Variants in IMPG2 observed in about 807,000 individuals in gnomAD.
The protein encoded by IMPG2 is IPM 200.
Under a neutral mutation model 129.2 loss-of-function variants are expected in IMPG2, and 91 were observed. The observed-to-expected ratio is 0.70, with a 90% CI of 0.59 to 0.84. The LOEUF (loss-of-function observed/expected upper bound fraction) is 0.84. Among genes scored for constraint, IMPG2 ranks in the 40% least tolerant of loss-of-function variants. The pLI, the probability that IMPG2 is intolerant of heterozygous loss-of-function variation, is 0.00. For synonymous variants in IMPG2, 510 were observed against 517.7 expected (o/e 0.99, Z 0.20); for missense variants, 1,430 against 1,461.7 (o/e 0.98, Z 0.35).
intron 2 of IMPG2, among the ~76,000 whole-genome samples, chr3:101,310,559 C>CAAAAAA (rs199570786): frequency 2.1e-4 from 26 of 126,504 alleles, no homozygotes; most frequent in African/African-American, 8.9e-4. Context: ...GACCCTGTCT[C>CAAAAAA]AAAAAAAAAA....
rs1005090260 is a variant in IMPG2 at position 101,319,758 on chromosome 3, T to C, written c.160A>G (p.Thr54Ala). Residue 54 changes from threonine to alanine, a missense_variant, in exon 2 of 19, where the codon ACA becomes GCA. Transcript: ENST00000193391. Reference protein sequence around the residue: ...AVSFLLPEESTDLSLATKKKQ... With the variant: ...AVSFLLPEESADLSLATKKKQ... ...TTTTTGGTAGCTAGAGAAAGGTCTG[T>C]TGATTCTTCAGGCAGGAGAAAAGAA... 1 of 1,613,552 alleles carries C rather than the reference T, an allele frequency of 6.2e-7. No homozygotes were observed. The highest frequency in any genetic ancestry group is 1.3e-5 in the African/African-American group (1 of 74,904).
At chr3:101,250,775 C>G (rs1706534903) in intron 11 of IMPG2, among the ~76,000 whole-genome samples, 1 of 152,170 alleles carries the variant, frequency 6.6e-6, no homozygotes, top group Non-Finnish European at 1.5e-5. Context: ...CAGGTCAACA[C>G]AGATAGGGAG....
chr3:101,261,748 T>C (rs1385487619), intron 9 of IMPG2, among the ~76,000 whole-genome samples: 1 of 152,082 alleles, frequency 6.6e-6, no homozygotes. Context: ...AGTTCTGGCA[T>C]AGTAATGGGG....
intron 8 of IMPG2, among the ~76,000 whole-genome samples, chr3:101,268,173 T>A (rs766464037): frequency 3.7e-4 from 57 of 152,130 alleles, no homozygotes; most frequent in Non-Finnish European, 6.8e-4. Flanking sequence ...TAAAGCAGGA[T>A]TAAGGTAAAT....
chr3:101,256,574 T>G (rs868725992), intron 10 of IMPG2, among the ~76,000 whole-genome samples: 19 of 152,216 alleles, frequency 1.2e-4, no homozygotes, highest in Middle Eastern at 3.4e-3. Flanking sequence ...CTATTTTTGT[T>G]TATTTATTTG....
chr3:101,318,562 A>G (rs1690407290), intron 2 of IMPG2, among the ~76,000 whole-genome samples: 1 of 152,186 alleles, frequency 6.6e-6, no homozygotes, highest in Non-Finnish European at 1.5e-5. Flanking sequence ...AGGGAAGGAC[A>G]GGAAGAGGAA....
Position 101,269,926 on chromosome 3 carries a change from C to CTTT in IMPG2, c.829-356_829-354dup, listed in dbSNP as rs5851267. Among the ~76,000 whole-genome samples, 230 of 106,932 alleles carry CTTT rather than the reference C, an allele frequency of 2.2e-3. 1 individual carries two copies. Among genetic ancestry groups the CTTT allele is most frequent in the East Asian group, 3.0e-3 (10 of 3,366 alleles). 70.2% of individuals were successfully genotyped at this position (106,932 alleles called of 152,430 possible). On this transcript the variant is annotated intron_variant, in intron 7 of 18. Transcript: ENST00000193391. ...TAATAGCATTTTATTTTATTTTATTCTTTTTTTTTTTTTTTTTTTTTTGAG... is the reference window on the plus strand; with the variant it reads ...TAATAGCATTTTATTTTATTTTATTCTTTTTTTTTTTTTTTTTTTTTTTTTGAG...
At chr3:101,245,240 TTTC>T (rs1479615111) in intron 12 of IMPG2, among the ~76,000 whole-genome samples, 30 of 152,322 alleles carry the variant, frequency 2.0e-4, no homozygotes, top group African/African-American at 7.2e-4. Flanking sequence ...TATTTATATA[TTTC>T]TTCATCTTCC....
At position 101,320,287 on chromosome 3, in the gene IMPG2, C is replaced by A; in HGVS notation, c.85+1G>T. 6.7e-7 allele frequency: 1 copy of A among 1,500,836 alleles called. No homozygotes were observed. The highest frequency in any genetic ancestry group is 9.3e-7 in the Non-Finnish European group (1 of 1,078,162). The allele number at this position is 1,500,836 out of a possible 1,614,324, so 93.0% of individuals were successfully genotyped here. On this transcript the variant is annotated splice_donor_variant, in intron 1 of 18. Transcript: ENST00000193391. LOFTEE classifies it high-confidence loss of function. ...AAAAACAAATGTAGATTTTTAAATA[C>A]CTGTTAATGATGGAAAGTCTCCTTC...
intron 4 of IMPG2, among the ~76,000 whole-genome samples, chr3:101,279,352 C>G (rs1706869914): frequency 6.6e-6 from 1 of 152,132 alleles, no homozygotes; most frequent in Non-Finnish European, 1.5e-5. Context: ...ACAGCTAAGC[C>G]AATGGAGAAG....
chr3:101,289,724 C>A (rs1706985041), intron 4 of IMPG2, among the ~76,000 whole-genome samples: 1 of 151,690 alleles, frequency 6.6e-6, no homozygotes, highest in South Asian at 2.1e-4. Flanking sequence ...GGCACATGAT[C>A]AAATTTATTC....
intron 4 of IMPG2, among the ~76,000 whole-genome samples, chr3:101,280,218 C>T (rs1706878304): frequency 6.6e-6 from 1 of 152,204 alleles, no homozygotes; most frequent in East Asian, 1.9e-4. Context: ...ATGTCAACAG[C>T]TGCTCATAGC....
chr3:101,281,758 AAG>A (rs1412476437), intron 4 of IMPG2, among the ~76,000 whole-genome samples: 1 of 152,172 alleles, frequency 6.6e-6, no homozygotes, highest in South Asian at 2.1e-4. Flanking sequence ...TTTCATGTGG[AAG>A]AGAGAGACAG....
At chr3:101,231,166 G>T (rs1706282364) in intron 15 of IMPG2, 21 bp from the exon 16 acceptor site, 4 of 1,612,230 alleles carry the variant, frequency 2.5e-6, no homozygotes, top group Non-Finnish European at 3.4e-6. Context: ...CAGTCACCAA[G>T]TCCGATATCT....
intron 2 of IMPG2, among the ~76,000 whole-genome samples, chr3:101,308,880 AC>A (rs1707232903): frequency 6.6e-6 from 1 of 152,160 alleles, no homozygotes; most frequent in Non-Finnish European, 1.5e-5. Flanking sequence ...AAATCTGAAC[AC>A]TTTTAACAGC....
At chr3:101,265,162 C>T (rs1442045551) in intron 9 of IMPG2, among the ~76,000 whole-genome samples, 1 of 151,932 alleles carries the variant, frequency 6.6e-6, no homozygotes, top group Non-Finnish European at 1.5e-5. Flanking sequence ...ATCAAAATAC[C>T]AATGACATTC....
intron 8 of IMPG2, 107 bp downstream of exon 8, chr3:101,269,408 G>A (rs766619213): frequency 7.6e-5 from 54 of 715,168 alleles, no homozygotes; most frequent in Non-Finnish European, 1.3e-4. Flanking sequence ...TTGAGTTACA[G>A]CATTCAAACC....
In IMPG2 at chr3:101,232,892, C is replaced by T; in HGVS notation, c.3122G>A (p.Gly1041Glu). 1 of 1,613,862 alleles carries T rather than the reference C, an allele frequency of 6.2e-7. No individual in the cohort carries two copies. The highest frequency in any genetic ancestry group is 8.5e-7 in the Non-Finnish European group (1 of 1,179,966). The stretch of plus-strand genomic sequence containing the variant: ...GGGCCGTTCTTCCACACTCAGGTAT[C>T]CAGGGAAGCATCTGCACTTTGCTTC... The part of the protein sequence containing the change: ...SGEAKCRCFP[G>E]YLSVEERPCQ... Residue 1041 changes from glycine (G) to glutamate (E), a missense_variant, in exon 15 of 19, where the codon GGA becomes GAA. Physicochemically the swap from Gly to Glu is moderately conservative, Grantham distance 98. Coordinates refer to ENST00000193391, the MANE Select transcript of IMPG2 (RefSeq NM_016247.4).
chr3:101,250,827 G>A (rs1297241181), intron 11 of IMPG2, among the ~76,000 whole-genome samples: 1 of 152,134 alleles, frequency 6.6e-6, no homozygotes, highest in Non-Finnish European at 1.5e-5. Context: ...CTGCTCTATG[G>A]AATATGGAGC....
Sources: gnomAD v4.1 joint callset for allele counts (sites outside exome capture counted in the v4.1 genomes callset) on GRCh38, gnomAD v4.1.1 for gene constraint, MANE v1.5 for transcripts, NCBI Gene and HGNC (gene_info 2026-07-23, HGNC 2026-07-21) for gene names.